RYR3: variants seen among roughly 807,000 people sequenced by gnomAD.
RYR3 encodes brain ryanodine receptor-calcium release channel.
Under a neutral mutation model 584.3 loss-of-function variants are expected in RYR3, and 207 were observed. That is an observed-to-expected ratio of 0.35 (90% CI 0.32 to 0.40). RYR3 has a LOEUF of 0.40. Among genes scored for constraint, RYR3 ranks in the 10% least tolerant of loss-of-function variants. The probability of loss-of-function intolerance (pLI) is 1.00; values close to 1 mark genes in which losing one functional copy is unlikely to be tolerated. For synonymous variants in RYR3, 2,416 were observed against 2,248.5 expected, an observed-to-expected ratio of 1.07 and a Z score of -2.11; for missense variants, 5,616 against 6,089.2, an observed-to-expected ratio of 0.92 and a Z score of 2.59.
intron 69 of RYR3, among the ~76,000 whole-genome samples, chr15:33,805,635 G>A (rs958653984): frequency 2.0e-3 from 304 of 151,636 alleles, no homozygotes; most frequent in African/African-American, 5.5e-3. Context: ...CCGCCACCAC[G>A]CCCGGCTAAT....
chr15:33,335,297 G>C (rs997179722), intron 1 of RYR3, among the ~76,000 whole-genome samples: 1 of 152,314 alleles, frequency 6.6e-6, no homozygotes, highest in East Asian at 1.9e-4. Context: ...ATCAGTGATA[G>C]ACTGGATAAA....
chr15:33,854,782 C>T lies in RYR3; in HGVS notation c.13877C>T (p.Ala4626Val), dbSNP rs202096363. The T allele has an allele frequency of 1.0e-4, 162 of 1,609,482 alleles. No individual in the cohort carries two copies. The highest frequency in any genetic ancestry group is 6.6e-4 in the Middle Eastern group (4 of 6,036). ...VFTDNSFLYL[A>V]WYTTMSVLGH... ...CATTCCCAGTCCTTTCTCTACCTTGCCTGGTATACAACCATGTCAGTCCTG... is the reference window on the plus strand; with the variant it reads ...CATTCCCAGTCCTTTCTCTACCTTGTCTGGTATACAACCATGTCAGTCCTG... The change falls in exon 98 of 104, where the codon GCC (alanine) becomes GTC (valine). Residue 4626 changes from alanine to valine, a missense_variant. Around this residue, in one of 9 missense-constraint regions of RYR3, gnomAD observed 918 missense variants for 887.4 expected, o/e 1.03. Coordinates refer to ENST00000634891, the MANE Select transcript of RYR3 (RefSeq NM_001036.6).
intron 1 of RYR3, among the ~76,000 whole-genome samples, chr15:33,381,833 C>A (rs916484543): frequency 6.6e-6 from 1 of 152,196 alleles, no homozygotes; most frequent in Admixed American, 6.5e-5. Context: ...TGCTATGGAG[C>A]ATGATGTTGA....
chr15:33,341,077 C>G (rs1260034893), intron 1 of RYR3, among the ~76,000 whole-genome samples: 1 of 152,166 alleles, frequency 6.6e-6, no homozygotes, highest in Non-Finnish European at 1.5e-5. Flanking sequence ...CTCACTCTGT[C>G]ACTCAGGGTG....
intron 84 of RYR3, 34 bp downstream of exon 84, chr15:33,826,786 C>T (rs761102585): frequency 3.6e-6 from 5 of 1,399,696 alleles, no homozygotes; most frequent in South Asian, 1.2e-5. Flanking sequence ...CAAGGAAACA[C>T]AGCACTCGGG....
intron 43 of RYR3, among the ~76,000 whole-genome samples, chr15:33,710,454 C>A (rs1198375174): frequency 1.3e-5 from 2 of 151,240 alleles, no homozygotes; most frequent in African/African-American, 4.9e-5. Context: ...AGCAATCCTC[C>A]CTTCTCAGCC....
chr15:33,751,501 T>C (rs2071303440), intron 57 of RYR3, among the ~76,000 whole-genome samples: 1 of 152,238 alleles, frequency 6.6e-6, no homozygotes, highest in Admixed American at 6.5e-5. Context: ...ATGAGCTTTT[T>C]TTCGTATGCC....
At chr15:33,709,910 G>A (rs367911291) in intron 43 of RYR3, among the ~76,000 whole-genome samples, 1 of 152,210 alleles carries the variant, frequency 6.6e-6, no homozygotes, top group African/African-American at 2.4e-5. Context: ...GAAAAGTTTA[G>A]TATTGATTCA....
chr15:33,491,130 A>G (rs1033972828), intron 2 of RYR3, among the ~76,000 whole-genome samples: 1 of 152,212 alleles, frequency 6.6e-6, no homozygotes, highest in African/African-American at 2.4e-5. Context: ...CATTGACCTT[A>G]TACACCAGTT....
At position 33,755,171 on chromosome 15, in the gene RYR3, G is replaced by C. The variant is rs2071688750; in HGVS notation, c.8506G>C (p.Ala2836Pro). The C allele has an allele frequency of 4.4e-6, 7 of 1,582,250 alleles. No individual in the cohort carries two copies. Among genetic ancestry groups the C allele is most frequent in the Non-Finnish European group, 6.1e-6 (7 of 1,152,770 alleles). Residue 2836 changes from alanine to proline, a missense_variant, in exon 58 of 104, where the codon GCC becomes CCC. Physicochemically the swap from Ala to Pro is conservative, Grantham distance 27. Coordinates refer to ENST00000634891, the MANE Select transcript of RYR3 (RefSeq NM_001036.6). ...CGTTGATTCTGCTCAAGAATTTATT[G>C]CCCATTTAGGTAAGTATCATCATGA... ...KYVDSAQEFI[A>P]HLEAIVSSGK...
chr15:33,768,725 C>T lies in RYR3; in HGVS notation c.8755+18C>T. Reference sequence around the variant, plus strand: ...CCTCTTTGGTAAGTGAAGTGTTGCTCAAGGTACCGCTCCTCCCTGTAATTA... The same window carrying T: ...CCTCTTTGGTAAGTGAAGTGTTGCTTAAGGTACCGCTCCTCCCTGTAATTA... On this transcript the variant is annotated intron_variant, in intron 61 of 103. Coordinates refer to ENST00000634891, the MANE Select transcript of RYR3 (RefSeq NM_001036.6). The T allele has an allele frequency of 1.2e-6, 2 of 1,612,016 alleles. No individual in the cohort carries two copies. Among genetic ancestry groups the T allele is most frequent in the Non-Finnish European group, 8.5e-7 (1 of 1,178,022 alleles).
chr15:33,393,785 C>T (rs2042141825), intron 1 of RYR3, among the ~76,000 whole-genome samples: 2 of 152,176 alleles, frequency 1.3e-5, no homozygotes, highest in East Asian at 1.9e-4. Flanking sequence ...ATCTTGGACC[C>T]TTGGGCTGCA....
chr15:33,489,363 C>G (rs1471179450), intron 2 of RYR3, among the ~76,000 whole-genome samples: 1 of 152,184 alleles, frequency 6.6e-6, no homozygotes, highest in East Asian at 1.9e-4. Context: ...CTCCTCCCAC[C>G]TTTCGCCCTC....
chr15:33,694,789 G>A (rs149332615), intron 38 of RYR3, among the ~76,000 whole-genome samples: 1 of 152,276 alleles, frequency 6.6e-6, no homozygotes, highest in South Asian at 2.1e-4. Context: ...TCCTTTAACT[G>A]TGCTTCTCTC....
At chr15:33,544,405 T>C (rs1044893741) in intron 8 of RYR3, among the ~76,000 whole-genome samples, 2 of 152,258 alleles carry the variant, frequency 1.3e-5, no homozygotes, top group Non-Finnish European at 2.9e-5. Flanking sequence ...GTGAGTCTGA[T>C]CCGGTGATCA....
chr15:33,725,922 A>G (rs1387897850), intron 45 of RYR3, among the ~76,000 whole-genome samples: 1 of 135,728 alleles, frequency 7.4e-6, no homozygotes, highest in Non-Finnish European at 1.5e-5. Flanking sequence ...GTGAGCTGAG[A>G]TCACGCCACT....
intron 23 of RYR3, 25 bp from the exon 24 acceptor site, chr15:33,632,924 T>A: frequency 6.3e-7 from 1 of 1,595,420 alleles, no homozygotes; most frequent in East Asian, 2.2e-5. Context: ...CTGTTAAAAA[T>A]GTATACTTTT....
intron 28 of RYR3, among the ~76,000 whole-genome samples, chr15:33,645,945 T>C (rs1180252038): frequency 6.6e-6 from 1 of 152,134 alleles, no homozygotes; most frequent in Non-Finnish European, 1.5e-5. Flanking sequence ...GATTACTTTT[T>C]CCCCTTCCCT....
At chr15:33,807,631 C>T (rs1019754078) in intron 70 of RYR3, 62 bp downstream of exon 70, 3 of 1,472,244 alleles carry the variant, frequency 2.0e-6, no homozygotes, top group Non-Finnish European at 2.8e-6. Context: ...GGGCTCTGGC[C>T]CCCTCTGCAC....
Sources: allele counts gnomAD v4.1 joint callset (sites outside exome capture counted in the v4.1 genomes callset), GRCh38; gene constraint gnomAD v4.1.1; regional missense constraint gnomAD v4.1.1; transcripts MANE v1.5; gene names NCBI Gene and HGNC (gene_info 2026-07-23, HGNC 2026-07-21).